The following MEF2B variants were observed in gnomAD, a reference collection of about 807,000 sequenced individuals.
MEF2B encodes myocyte-specific enhancer factor 2B.
Under a neutral mutation model 32.2 loss-of-function variants are expected in MEF2B, and 15 were observed. The ratio of observed to expected loss-of-function variants is 0.47; its 90% confidence interval spans 0.31 to 0.72. The LOEUF (loss-of-function observed/expected upper bound fraction) is 0.72, where lower values mean the gene tolerates loss of function less well. Among genes scored for constraint, MEF2B ranks in the 30% least tolerant of loss-of-function variants. The pLI is 0.05. For synonymous variants in MEF2B, 205 were observed against 225.6 expected, an observed-to-expected ratio of 0.91 and a Z score of 0.82; for missense variants, 441 against 511.5, an observed-to-expected ratio of 0.86 and a Z score of 1.33.
chr19:19,150,793 T>C, intron 1 of MEF2B, 29 bp from the exon 2 acceptor site: 2 of 1,612,792 alleles, frequency 1.2e-6, no homozygotes, highest in Non-Finnish European at 1.7e-6. Flanking sequence ...GAGGACAGAG[T>C]GAGTGGGTGG....
intron 1 of MEF2B, among the ~76,000 whole-genome samples, chr19:19,160,919 T>C (rs2060156750): frequency 6.6e-6 from 1 of 151,926 alleles, no homozygotes; most frequent in African/African-American, 2.4e-5. Context: ...AGGGAGGTGG[T>C]ACCCAGGTGG....
Position 19,146,024 on chromosome 19 carries a change from T to G in MEF2B, c.882-2A>C. ...TCCTCGCCCAGGCTTCGGCCCCCAC[T>G]GCAGGGGGAAAGAGAGAGGGAGGCC... On this transcript the variant is annotated splice_acceptor_variant, in intron 8 of 8. Transcript: ENST00000424583. LOFTEE classifies it high-confidence loss of function. The G allele has an allele frequency of 1.4e-6, 2 of 1,426,564 alleles. No homozygotes were observed. The highest frequency in any genetic ancestry group is 1.8e-6 in the Non-Finnish European group (2 of 1,090,656). The allele number at this position is 1,426,564 out of a possible 1,614,324, so 88.4% of individuals were successfully genotyped here. A position where few individuals can be genotyped will look rare whatever the true frequency, so the allele number is the denominator to read the frequency against.
chr19:19,154,460 C>A (rs927997639), intron 1 of MEF2B, among the ~76,000 whole-genome samples: 3 of 150,532 alleles, frequency 2.0e-5, no homozygotes, highest in Non-Finnish European at 4.4e-5. Context: ...CCGCGCCCAG[C>A]CTTTTATTTT....
intron 1 of MEF2B, among the ~76,000 whole-genome samples, chr19:19,166,264 C>T (rs969023035): frequency 6.6e-6 from 1 of 152,136 alleles, no homozygotes; most frequent in East Asian, 1.9e-4. Context: ...GAATCACCGT[C>T]ACAGGGTCCA....
At chr19:19,149,833 C>A (rs1323673190) in intron 2 of MEF2B, among the ~76,000 whole-genome samples, 2 of 151,960 alleles carry the variant, frequency 1.3e-5, no homozygotes, top group Admixed American at 6.6e-5. Context: ...GGTCCCAGCA[C>A]TTTGGGAGGC....
At position 19,161,590 on chromosome 19, in the gene MEF2B, C is replaced by G. The variant is rs533732429; in HGVS notation, c.-30+8615G>C. 3.9e-5 allele frequency among the ~76,000 whole-genome samples: 6 copies of G among 152,116 alleles called. No homozygotes were observed. The East Asian group carries it at 1.2e-3, about 29-fold the overall frequency. On this transcript the variant is annotated intron_variant, in intron 1 of 8. Transcript: ENST00000424583. ...AGATGCCCCAACACATGCCAATCCC[C>G]CAAATGCACAGACACATACAGATCT...
intron 1 of MEF2B, among the ~76,000 whole-genome samples, chr19:19,163,402 G>C (rs1201316815): frequency 6.6e-6 from 1 of 151,996 alleles, no homozygotes; most frequent in Non-Finnish European, 1.5e-5. Context: ...CTGCTGCCTC[G>C]GTCTTCCATA....
chr19:19,147,965 A>T (rs2146353801), intron 3 of MEF2B, 133 bp from the exon 4 acceptor site: 1 of 1,415,480 alleles, frequency 7.1e-7, no homozygotes, highest in African/African-American at 1.4e-5. Flanking sequence ...GGCCTGCTCT[A>T]GCCAAACCCC....
At chr19:19,167,616 C>A (rs1222635805) in intron 1 of MEF2B, among the ~76,000 whole-genome samples, 1 of 152,180 alleles carries the variant, frequency 6.6e-6, no homozygotes, top group Admixed American at 6.5e-5. Context: ...TTGGGGTGAG[C>A]AAATGTTTTA....
intron 1 of MEF2B, among the ~76,000 whole-genome samples, chr19:19,169,736 G>A (rs949870292): frequency 3.3e-5 from 5 of 152,092 alleles, no homozygotes; most frequent in Admixed American, 3.3e-4. Context: ...TTGCTCCCCC[G>A]TTCCAAGGTT....
chr19:19,150,759 C>T lies in MEF2B; in HGVS notation c.-24G>A, dbSNP rs1470104855. ...ATCGTCCCAGGCTGAGTGGAATGAT[C>T]TTTGTCTAGGAGGAGAAGAGGGAGA... On this transcript the variant is annotated 5_prime_UTR_variant, in exon 2 of 9. Transcript: ENST00000424583. 1.2e-6 allele frequency: 2 copies of T among 1,613,954 alleles called. No homozygotes were observed. The highest frequency in any genetic ancestry group is 1.7e-6 in the Non-Finnish European group (2 of 1,180,004).
chr19:19,168,210 A>T (rs1019273868), intron 1 of MEF2B, among the ~76,000 whole-genome samples: 3 of 151,316 alleles, frequency 2.0e-5, no homozygotes, highest in African/African-American at 7.3e-5. Flanking sequence ...GCCCTTCCCC[A>T]GGGATGATTC....
At chr19:19,153,646 G>A (rs1045158367) in intron 1 of MEF2B, among the ~76,000 whole-genome samples, 16 of 151,992 alleles carry the variant, frequency 1.1e-4, no homozygotes, top group Non-Finnish European at 1.8e-4. Flanking sequence ...TAGTAGAGAC[G>A]GGGTTTCACC....
intron 1 of MEF2B, among the ~76,000 whole-genome samples, chr19:19,162,692 G>A (rs1215231283): frequency 6.6e-6 from 1 of 152,150 alleles, no homozygotes; most frequent in Non-Finnish European, 1.5e-5. Flanking sequence ...TCCTGTTCGA[G>A]GGGCAGGAGT....
intron 1 of MEF2B, among the ~76,000 whole-genome samples, chr19:19,157,847 C>CA (rs898906964): frequency 2.1e-4 from 32 of 151,230 alleles, no homozygotes; most frequent in African/African-American, 4.6e-4. Context: ...GACTCTGTGT[C>CA]AAAAAAAACA....
intron 1 of MEF2B, among the ~76,000 whole-genome samples, chr19:19,166,262 G>A (rs372323842): frequency 1.8e-4 from 28 of 152,190 alleles, no homozygotes; most frequent in Non-Finnish European, 3.4e-4. Flanking sequence ...CAGAATCACC[G>A]TCACAGGGTC....
At chr19:19,146,939 G>T in intron 5 of MEF2B, 64 bp from the exon 6 acceptor site, 1 of 1,578,590 alleles carries the variant, frequency 6.3e-7, no homozygotes, top group Admixed American at 1.8e-5. Flanking sequence ...GAAGTCTGAG[G>T]TTTAGAGGTG....
chr19:19,158,319 C>T (rs1459972964), intron 1 of MEF2B, among the ~76,000 whole-genome samples: 4 of 123,726 alleles, frequency 3.2e-5, no homozygotes, highest in Non-Finnish European at 5.1e-5. Flanking sequence ...AACTCCTGGC[C>T]TCAGGTGATC....
At chr19:19,167,411 C>T (rs1055382766) in intron 1 of MEF2B, among the ~76,000 whole-genome samples, 1 of 151,214 alleles carries the variant, frequency 6.6e-6, no homozygotes, top group African/African-American at 2.4e-5. Context: ...ATTCCTAGCT[C>T]CTCAGGAGGC....
Sources: gnomAD v4.1 joint callset for allele counts (sites outside exome capture counted in the v4.1 genomes callset) on GRCh38, gnomAD v4.1.1 for gene constraint, MANE v1.5 for transcripts, NCBI Gene and HGNC (gene_info 2026-07-23, HGNC 2026-07-21) for gene names.